Variants in TRIM54 observed in about 807,000 individuals in gnomAD.
The protein encoded by TRIM54 is tripartite motif-containing protein 54.
Under a neutral mutation model 42.0 loss-of-function variants are expected in TRIM54, and 40 were observed. That is an observed-to-expected ratio of 0.95 (90% CI 0.74 to 1.24). The LOEUF (loss-of-function observed/expected upper bound fraction) is 1.24. Among genes scored for constraint, TRIM54 ranks in the 50% most tolerant of loss-of-function variants. The probability of loss-of-function intolerance (pLI) is 0.00; values close to 1 mark genes in which losing one functional copy is unlikely to be tolerated. For missense variants in TRIM54, 485 were observed against 480.3 expected, an observed-to-expected ratio of 1.01 and a Z score of -0.09; for synonymous variants, 199 against 194.9, an observed-to-expected ratio of 1.02 and a Z score of -0.17.
chr2:27,306,932 G>A lies in TRIM54; in HGVS notation c.*47G>A, dbSNP rs1484517031. ...GCTCGAGAGCCCGCGCTAGAGTCGG[G>A]GAGGATCTGCGCAGAGACCGCAGCA... On this transcript the variant is annotated 3_prime_UTR_variant, in exon 9 of 9. Transcript: ENST00000380075. The surrounding 1 kb of genome is among the most constrained non-coding windows in gnomAD (Gnocchi z 6.1). 1 of 299,528 alleles carries A rather than the reference G, an allele frequency of 3.3e-6. No homozygotes were observed. Among genetic ancestry groups the A allele is most frequent in the African/African-American group, 2.2e-5 (1 of 45,318 alleles). The allele number at this position is 299,528 out of a possible 1,614,324, so 18.6% of individuals were successfully genotyped here.
intron 4 of TRIM54, 47 bp downstream of exon 4, chr2:27,305,101 C>A: frequency 6.6e-7 from 1 of 1,520,348 alleles, no homozygotes. Context: ...GGCTAGCCTG[C>A]GGACCCCGGG....
At chr2:27,286,566 G>A (rs564537375) in intron 1 of TRIM54, among the ~76,000 whole-genome samples, 6 of 152,250 alleles carry the variant, frequency 3.9e-5, no homozygotes, top group East Asian at 1.9e-4. Context: ...ACTCCTAAAC[G>A]GCTTTAAAGC....
intron 1 of TRIM54, among the ~76,000 whole-genome samples, chr2:27,293,679 T>C (rs1212934955): frequency 6.6e-6 from 1 of 152,172 alleles, no homozygotes; most frequent in Admixed American, 6.5e-5. Flanking sequence ...CTGTGAAGGT[T>C]TGAGGTTTGT....
Position 27,307,230 on chromosome 2 carries a change from TG to T in TRIM54, c.*349del, listed in dbSNP as rs2148208573. 4.2e-6 allele frequency: 2 copies of T among 480,316 alleles called. No individual in the cohort carries two copies. The highest frequency in any genetic ancestry group is 4.4e-5 in the South Asian group (2 of 45,034). The allele number at this position is 480,316 out of a possible 1,614,324, so 29.8% of individuals were successfully genotyped here. On this transcript the variant is annotated 3_prime_UTR_variant, in exon 9 of 9. Coordinates refer to ENST00000380075, the MANE Select transcript of TRIM54 (RefSeq NM_187841.3). The surrounding 1 kb of genome is among the most constrained non-coding windows in gnomAD (Gnocchi z 6.9). ...GGTGGTGCCGGGACCTCTGAGGTCC[TG>T]GGGATTTGGGGACCCTTGGGGTCCA...
chr2:27,288,102 G>C (rs953743234), intron 1 of TRIM54, among the ~76,000 whole-genome samples: 1 of 152,184 alleles, frequency 6.6e-6, no homozygotes, highest in East Asian at 1.9e-4. Flanking sequence ...CCAAAACCTG[G>C]ATTCTTCTCA....
chr2:27,305,230 G>A (rs1295096812), intron 4 of TRIM54, 176 bp downstream of exon 4: 23 of 615,006 alleles, frequency 3.7e-5, no homozygotes, highest in African/African-American at 1.1e-4. Context: ...CAGCTTTGCC[G>A]CAAAACTTTA....
At chr2:27,288,128 C>G (rs1304089376) in intron 1 of TRIM54, among the ~76,000 whole-genome samples, 1 of 152,236 alleles carries the variant, frequency 6.6e-6, no homozygotes, top group Non-Finnish European at 1.5e-5. Context: ...TTCAGCTTTT[C>G]TCCAAATGTC....
At chr2:27,291,074 C>T (rs34335422) in intron 1 of TRIM54, among the ~76,000 whole-genome samples, 3,779 of 152,296 alleles carry the variant, frequency 0.025, 66 homozygotes, top group Middle Eastern at 0.058. Flanking sequence ...CACTTTTAGG[C>T]TAGGTGCACT....
chr2:27,306,513 C>G lies in TRIM54; in HGVS notation c.1049C>G (p.Pro350Arg). The G allele has an allele frequency of 1.3e-6, 2 of 1,568,430 alleles. No homozygotes were observed. The highest frequency in any genetic ancestry group is 2.3e-5 in the South Asian group (2 of 86,438). Residue 350 changes from proline (P) to arginine (R), a missense_variant, in exon 8 of 9, where the codon CCG becomes CGG. Transcript: ENST00000380075. The surrounding 1 kb of genome is among the most constrained non-coding windows in gnomAD (Gnocchi z 6.1). Reference sequence around the variant, plus strand: ...GACGGAGAGGAGGGCAGCGCGGGGCCGGAGGAAGAGCGGCCGGATGGGCCT... The same window carrying G: ...GACGGAGAGGAGGGCAGCGCGGGGCGGGAGGAAGAGCGGCCGGATGGGCCT... ...APDGEEGSAG[P>R]EEERPDGP
chr2:27,305,965 A>C (rs1053543401), intron 5 of TRIM54, 115 bp from the exon 6 acceptor site: 1 of 1,463,880 alleles, frequency 6.8e-7, no homozygotes, highest in Non-Finnish European at 9.3e-7. Context: ...TTTTCTGCTT[A>C]ACGAATTGGG....
chr2:27,291,038 A>C (rs979001825), intron 1 of TRIM54, among the ~76,000 whole-genome samples: 10 of 152,174 alleles, frequency 6.6e-5, no homozygotes, highest in African/African-American at 2.2e-4. Context: ...CTGTACTATA[A>C]TTTAATAGTT....
chr2:27,282,992 T>C, intron 1 of TRIM54, 93 bp downstream of exon 1: 3 of 1,379,864 alleles, frequency 2.2e-6, no homozygotes, highest in Non-Finnish European at 2.9e-6. Flanking sequence ...AGGTGATGGA[T>C]AGAGTGCTCT....
chr2:27,283,780 G>GCA (rs1311012339), intron 1 of TRIM54, among the ~76,000 whole-genome samples: 17 of 76,514 alleles, frequency 2.2e-4, no homozygotes, highest in African/African-American at 1.5e-3. Flanking sequence ...ACACACACAC[G>GCA]CGCGCACACA....
At chr2:27,298,767 T>A in intron 2 of TRIM54, 28 bp downstream of exon 2, 1 of 1,609,344 alleles carries the variant, frequency 6.2e-7, no homozygotes, top group East Asian at 2.2e-5. Context: ...CTTGCCTCTC[T>A]CATGACAGGG....
chr2:27,304,905 G>A, intron 3 of TRIM54, 54 bp from the exon 4 acceptor site: 1 of 1,535,710 alleles, frequency 6.5e-7, no homozygotes. Context: ...TGGGGTGAGG[G>A]GTGTAGCTCT....
chr2:27,290,447 C>T (rs976877928), intron 1 of TRIM54, among the ~76,000 whole-genome samples: 1 of 152,040 alleles, frequency 6.6e-6, no homozygotes, highest in Non-Finnish European at 1.5e-5. Flanking sequence ...GCGGGCAGAT[C>T]ACGAGGTCAG....
At chr2:27,294,410 C>T (rs1046664004) in intron 1 of TRIM54, among the ~76,000 whole-genome samples, 1 of 152,110 alleles carries the variant, frequency 6.6e-6, no homozygotes, top group Admixed American at 6.5e-5. Context: ...CATGAGCCAC[C>T]GTGCACAGCC....
At chr2:27,288,723 C>T (rs371470503) in intron 1 of TRIM54, among the ~76,000 whole-genome samples, 9 of 152,230 alleles carry the variant, frequency 5.9e-5, no homozygotes, top group Admixed American at 5.2e-4. Context: ...ATGTTATCTC[C>T]GTTTTACAGA....
At position 27,306,125 on chromosome 2, in the gene TRIM54, G is replaced by A; in HGVS notation, c.866+23G>A. ...TAAGTGAGTAGGCATAGCGGGAAGG[G>A]AAAGGAGGGGGCTGCACTGCTCCAC... On this transcript the variant is annotated intron_variant, in intron 6 of 8. Coordinates refer to ENST00000380075, the MANE Select transcript of TRIM54 (RefSeq NM_187841.3). This position sits in a 1 kb window ranked among gnomAD's most constrained non-coding sequence, Gnocchi z 6.1. 1 of 1,614,080 alleles carries A rather than the reference G, an allele frequency of 6.2e-7. No individual in the cohort carries two copies. Among genetic ancestry groups the A allele is most frequent in the Non-Finnish European group, 8.5e-7 (1 of 1,180,028 alleles).
Sources: allele counts gnomAD v4.1 joint callset (sites outside exome capture counted in the v4.1 genomes callset), GRCh38; gene constraint gnomAD v4.1.1; non-coding constraint Gnocchi (gnomAD v3.1); transcripts MANE v1.5; gene names NCBI Gene and HGNC (gene_info 2026-07-23, HGNC 2026-07-21).